The following IL6ST variants were observed in gnomAD, a reference collection of about 807,000 sequenced individuals.
The protein encoded by IL6ST is interleukin 6 cytokine family signal transducer, also known as interleukin-6 receptor subunit beta.
Under a neutral mutation model 91.3 loss-of-function variants are expected in IL6ST, and 24 were observed. The ratio of observed to expected loss-of-function variants is 0.26; its 90% CI spans 0.19 to 0.37. The LOEUF is 0.37. Among genes scored for constraint, IL6ST ranks in the 10% least tolerant of loss-of-function variants. The pLI is 1.00. For missense variants in IL6ST, 914 were observed against 1,078.5 expected, an observed-to-expected ratio of 0.85 and a Z score of 2.14; for synonymous variants, 351 against 373.6, an observed-to-expected ratio of 0.94 and a Z score of 0.70.
In IL6ST at chr5:55,960,453, C is replaced by A; in HGVS notation, c.922G>T (p.Gly308Ter). Residue 308 changes from glycine to a stop codon, truncating the protein, a stop_gained, in exon 8 of 17, where the codon GGA becomes TGA. Transcript: ENST00000381298. LOFTEE classifies it high-confidence loss of function. ...TCTTCACTCCAGTCACTCCAGTATC[C>A]CTTACCATCTTCCTTCATACAGCGA... ...RIRCMKEDGK[G>*]YWSDWSEEAS... 1 of 1,613,964 alleles carries A rather than the reference C, an allele frequency of 6.2e-7. No individual in the cohort carries two copies. Among genetic ancestry groups the A allele is most frequent in the Non-Finnish European group, 8.5e-7 (1 of 1,179,904 alleles).
intron 1 of IL6ST, among the ~76,000 whole-genome samples, chr5:55,984,907 T>A (rs1168680438): frequency 6.6e-6 from 1 of 152,178 alleles, no homozygotes; most frequent in African/African-American, 2.4e-5. Flanking sequence ...ATAGTGTGTG[T>A]CCCCAAAATA....
intron 8 of IL6ST, among the ~76,000 whole-genome samples, chr5:55,957,606 G>C (rs1168846730): frequency 6.6e-6 from 1 of 152,058 alleles, no homozygotes; most frequent in Non-Finnish European, 1.5e-5. Context: ...TTTGTGTGCT[G>C]GCACTGTATT....
chr5:55,979,818 A>AC lies in IL6ST; in HGVS notation c.-16+2905dup, dbSNP rs201627805. Among the ~76,000 whole-genome samples the AC allele has an allele frequency of 8.6e-3, 1,313 of 152,360 alleles. 16 individuals carry two copies. Among genetic ancestry groups the AC allele is most frequent in the African/African-American group, 0.03 (1,240 of 41,582 alleles). Reference sequence around the variant, plus strand: ...ATCCTACAGATATGAATAAAACAACACATGTACAAAGTTATTCACTGCATT... The same window carrying AC: ...ATCCTACAGATATGAATAAAACAACACCATGTACAAAGTTATTCACTGCATT... On this transcript the variant is annotated intron_variant, in intron 2 of 16. Transcript: ENST00000381298.
chr5:55,959,917 G>A (rs1433419293), intron 8 of IL6ST, among the ~76,000 whole-genome samples: 3 of 150,558 alleles, frequency 2.0e-5, no homozygotes, highest in South Asian at 2.1e-4. Context: ...ACGGAGTCTC[G>A]TTCTGTCACC....
At chr5:55,951,081 T>C (rs934505901) in intron 14 of IL6ST, among the ~76,000 whole-genome samples, 5 of 152,090 alleles carry the variant, frequency 3.3e-5, no homozygotes, top group Admixed American at 6.5e-5. Context: ...AATTTCAGTA[T>C]GTTAAATACT....
At chr5:55,956,784 A>T (rs1243196984) in intron 9 of IL6ST, among the ~76,000 whole-genome samples, 1 of 152,208 alleles carries the variant, frequency 6.6e-6, no homozygotes, top group Non-Finnish European at 1.5e-5. Flanking sequence ...TATTTAGTAA[A>T]AATAGTAATC....
chr5:55,941,254 G>A lies in IL6ST; in HGVS notation c.2585C>T (p.Ser862Phe). The A allele has an allele frequency of 1.2e-6, 2 of 1,614,116 alleles. No homozygotes were observed. The highest frequency in any genetic ancestry group is 1.7e-6 in the Non-Finnish European group (2 of 1,179,962). The change falls in exon 17 of 17, where the codon TCT (serine) becomes TTT (phenylalanine). Residue 862 changes from serine to phenylalanine, a missense_variant. Coordinates refer to ENST00000381298, the MANE Select transcript of IL6ST (RefSeq NM_002184.4). ...ISDHISQSCG[S>F]GQMKMFQEVS... ...TTCCTGAAACATTTTCATTTGCCCA[G>A]ATCCACAGGATTGTGAAATATGATC...
At chr5:55,949,082 C>T (rs1751451805) in intron 14 of IL6ST, 2 of 152,072 alleles carry the variant, frequency 1.3e-5, no homozygotes, top group Non-Finnish European at 2.9e-5. Flanking sequence ...TAAAAGGATA[C>T]ACAAATATGT....
Position 55,935,486 on chromosome 5 carries a change from A to G in IL6ST, c.*5596T>C, listed in dbSNP as rs1222286287. ...CCCTTGATGGAGACAGAACTTTTCT[A>G]TGGAGAACCCAAGCAGCCTTTCCAT... On this transcript the variant is annotated 3_prime_UTR_variant, in exon 17 of 17. Coordinates refer to ENST00000381298, the MANE Select transcript of IL6ST (RefSeq NM_002184.4). The G allele has an allele frequency of 5.0e-6, 1 of 200,058 alleles. No individual in the cohort carries two copies. The highest frequency in any genetic ancestry group is 1.0e-5 in the Non-Finnish European group (1 of 99,356). The allele number at this position is 200,058 out of a possible 1,614,324, so 12.4% of individuals were successfully genotyped here.
chr5:55,947,689 G>A (rs992131331), intron 14 of IL6ST, 100 bp from the exon 15 acceptor site: 18 of 669,936 alleles, frequency 2.7e-5, no homozygotes, highest in African/African-American at 1.3e-4. Context: ...CAGACTTACT[G>A]TTGAAAAGAT....
chr5:55,939,968 G>C lies in IL6ST; in HGVS notation c.*1114C>G, dbSNP rs1398187502. The C allele has an allele frequency of 2.0e-5, 4 of 202,694 alleles. No homozygotes were observed. Among genetic ancestry groups the C allele is most frequent in the Admixed American group, 1.8e-4 (3 of 16,720 alleles). The allele number at this position is 202,694 out of a possible 1,614,324, so 12.6% of individuals were successfully genotyped here. ...GGCAAATATTGCCCAAGTTGTCTTA[G>C]TGTGCCTCAAACATTTACTAAAAAT... On this transcript the variant is annotated 3_prime_UTR_variant, in exon 17 of 17. Transcript: ENST00000381298.
intron 14 of IL6ST, among the ~76,000 whole-genome samples, chr5:55,950,859 G>A (rs1049905773): frequency 2.0e-5 from 3 of 152,074 alleles, no homozygotes; most frequent in East Asian, 1.9e-4. Context: ...TGAGGTAGGA[G>A]GATCACTTGA....
intron 6 of IL6ST, among the ~76,000 whole-genome samples, chr5:55,963,863 G>C (rs1280095668): frequency 6.6e-6 from 1 of 152,106 alleles, no homozygotes; most frequent in East Asian, 1.9e-4. Flanking sequence ...GAAAACAGCT[G>C]TTAAGTGTGG....
intron 5 of IL6ST, among the ~76,000 whole-genome samples, chr5:55,966,227 TGTTGA>T (rs1752621343): frequency 6.6e-6 from 1 of 152,214 alleles, no homozygotes; most frequent in Admixed American, 6.5e-5. Flanking sequence ...GGAAACATTC[TGTTGA>T]GTTATAAAAC....
intron 6 of IL6ST, 80 bp downstream of exon 6, chr5:55,964,063 TAAA>T: frequency 3.0e-6 from 2 of 655,898 alleles, no homozygotes; most frequent in Non-Finnish European, 4.7e-6. Context: ...ATTAAAATCT[TAAA>T]AAATCTAAAT....
chr5:55,945,005 T>C (rs1046334395), intron 15 of IL6ST, among the ~76,000 whole-genome samples: 1 of 136,482 alleles, frequency 7.3e-6, no homozygotes, highest in Non-Finnish European at 1.5e-5. Flanking sequence ...ATATAATAAA[T>C]CACCTCTTCC....
chr5:55,976,964 G>A (rs181142832), intron 2 of IL6ST, among the ~76,000 whole-genome samples: 3 of 152,166 alleles, frequency 2.0e-5, no homozygotes, highest in African/African-American at 4.8e-5. Flanking sequence ...TCCAAAGAGC[G>A]TACTCCCCAA....
At position 55,939,120 on chromosome 5, in the gene IL6ST, GA is replaced by G; in HGVS notation, c.*1961del. The G allele has an allele frequency of 4.8e-6, 1 of 208,158 alleles. No individual in the cohort carries two copies. Among genetic ancestry groups the G allele is most frequent in the Non-Finnish European group, 9.8e-6 (1 of 102,132 alleles). The allele number at this position is 208,158 out of a possible 1,614,324, so 12.9% of individuals were successfully genotyped here. ...ATGTGACTTAAATTTTGAGAAAATGGAAAATGTAATAGGTATAAATTTCCTG... is the reference window on the plus strand; with the variant it reads ...ATGTGACTTAAATTTTGAGAAAATGGAAATGTAATAGGTATAAATTTCCTG... On this transcript the variant is annotated 3_prime_UTR_variant, in exon 17 of 17. Coordinates refer to ENST00000381298, the MANE Select transcript of IL6ST (RefSeq NM_002184.4).
intron 3 of IL6ST, among the ~76,000 whole-genome samples, chr5:55,970,169 G>A (rs777096417): frequency 1.3e-5 from 2 of 152,090 alleles, no homozygotes; most frequent in Non-Finnish European, 2.9e-5. Context: ...GCCCCACAAC[G>A]TATCCTGTCC....
Sources: gnomAD v4.1 joint callset for allele counts (sites outside exome capture counted in the v4.1 genomes callset) on GRCh38, gnomAD v4.1.1 for gene constraint, MANE v1.5 for transcripts, NCBI Gene and HGNC (gene_info 2026-07-23, HGNC 2026-07-21) for gene names.